Variants in ZFHX3 observed in about 807,000 individuals in gnomAD.
The protein encoded by ZFHX3 is zinc finger homeobox protein 3.
Under a neutral mutation model 279.1 loss-of-function variants are expected in ZFHX3, and 42 were observed. The observed-to-expected ratio is 0.15, with a 90% CI of 0.12 to 0.19. The LOEUF (loss-of-function observed/expected upper bound fraction) is 0.19, where lower values mean the gene tolerates loss of function less well. Among genes scored for constraint, ZFHX3 ranks in the 10% least tolerant of loss-of-function variants. The pLI, the probability that ZFHX3 is intolerant of heterozygous loss-of-function variation, is 1.00. For missense variants in ZFHX3, 4,981 were observed against 4,754.0 expected, an observed-to-expected ratio of 1.05 and a Z score of -1.40; for synonymous variants, 2,293 against 1,957.8, an observed-to-expected ratio of 1.17 and a Z score of -4.52.
intron 2 of ZFHX3, among the ~76,000 whole-genome samples, chr16:73,677,922 A>G (rs2052970922): frequency 6.6e-6 from 1 of 152,112 alleles, no homozygotes; most frequent in African/African-American, 2.4e-5. Context: ...ACCCATAAAT[A>G]GAGACACTCT....
intron 4 of ZFHX3, among the ~76,000 whole-genome samples, chr16:73,292,359 G>C (rs1228559224): frequency 6.6e-6 from 1 of 152,078 alleles, no homozygotes; most frequent in Non-Finnish European, 1.5e-5. Context: ...GCCTGCAAAG[G>C]AGTTCTGACA....
At chr16:73,295,881 T>C (rs1452238319) in intron 4 of ZFHX3, among the ~76,000 whole-genome samples, 1 of 152,230 alleles carries the variant, frequency 6.6e-6, no homozygotes, top group Non-Finnish European at 1.5e-5. Context: ...GCACCTCCTC[T>C]GCAGGAAGTA....
chr16:73,597,440 C>A (rs1026560899), intron 2 of ZFHX3, among the ~76,000 whole-genome samples: 2 of 152,186 alleles, frequency 1.3e-5, no homozygotes, highest in African/African-American at 4.8e-5. Context: ...TAGTGTCCCA[C>A]TAAAATTCGT....
intron 5 of ZFHX3, among the ~76,000 whole-genome samples, chr16:73,210,682 G>C (rs1314855359): frequency 1.3e-5 from 2 of 152,122 alleles, no homozygotes; most frequent in Non-Finnish European, 2.9e-5. Flanking sequence ...ACAGAACAAG[G>C]TTTCAAGTCA....
chr16:73,152,742 G>GA (rs1966972850), intron 5 of ZFHX3, among the ~76,000 whole-genome samples: 1 of 84,592 alleles, frequency 1.2e-5, no homozygotes, highest in African/African-American at 4.8e-5. Context: ...GAGAGAGAGA[G>GA]AAAAAAAATG....
intron 3 of ZFHX3, among the ~76,000 whole-genome samples, chr16:72,900,901 G>T (rs987860529): frequency 2.0e-5 from 3 of 152,222 alleles, no homozygotes; most frequent in African/African-American, 7.2e-5. Context: ...CTGTTGCAGG[G>T]AGGAAAATTT....
intron 2 of ZFHX3, among the ~76,000 whole-genome samples, chr16:73,679,218 C>G (rs561514411): frequency 1.1e-4 from 16 of 152,008 alleles, no homozygotes; most frequent in African/African-American, 3.9e-4. Context: ...AACACTTCAT[C>G]AAAATGAACG....
chr16:72,912,527 G>A (rs1291183583), intron 3 of ZFHX3, among the ~76,000 whole-genome samples: 3 of 152,094 alleles, frequency 2.0e-5, no homozygotes, highest in African/African-American at 7.2e-5. Context: ...AGCTTCTAAG[G>A]CGTATGATCA....
intron 2 of ZFHX3, among the ~76,000 whole-genome samples, chr16:73,553,497 G>A (rs560095207): frequency 6.6e-6 from 1 of 152,256 alleles, no homozygotes; most frequent in East Asian, 1.9e-4. Context: ...GTCCAGACCA[G>A]GGCTCTGGTC....
At chr16:73,625,076 T>C (rs989113262) in intron 2 of ZFHX3, among the ~76,000 whole-genome samples, 5 of 152,214 alleles carry the variant, frequency 3.3e-5, no homozygotes, top group African/African-American at 1.2e-4. Flanking sequence ...ATTTTAGGTG[T>C]CTGAGAAAAA....
At chr16:73,564,379 T>A (rs2020420541) in intron 2 of ZFHX3, among the ~76,000 whole-genome samples, 1 of 152,206 alleles carries the variant, frequency 6.6e-6, no homozygotes, top group Admixed American at 6.5e-5. Flanking sequence ...TCATCCAAAA[T>A]GCTAGCCCCT....
chr16:73,853,297 C>G (rs894110064), intron 1 of ZFHX3, among the ~76,000 whole-genome samples: 2 of 152,168 alleles, frequency 1.3e-5, no homozygotes, highest in Non-Finnish European at 1.5e-5. Flanking sequence ...AATAGAGCTA[C>G]CATTTGACTC....
At chr16:73,409,573 C>T (rs956463786) in intron 3 of ZFHX3, among the ~76,000 whole-genome samples, 12 of 152,180 alleles carry the variant, frequency 7.9e-5, no homozygotes, top group African/African-American at 1.7e-4. Flanking sequence ...CTTCAAAACG[C>T]GAAAAATAGA....
At chr16:72,942,983 C>A (rs1342552199) in intron 3 of ZFHX3, among the ~76,000 whole-genome samples, 1 of 152,202 alleles carries the variant, frequency 6.6e-6, no homozygotes, top group Non-Finnish European at 1.5e-5. Context: ...CTTTCCATCC[C>A]TTCTTCTTGT....
chr16:73,784,786 TA>T (rs66537411), intron 1 of ZFHX3, among the ~76,000 whole-genome samples: 4,781 of 133,748 alleles, frequency 0.036, 107 homozygotes, highest in Non-Finnish European at 0.048. Context: ...TTTAACAAAA[TA>T]AAAAAAAAAA....
intron 1 of ZFHX3, among the ~76,000 whole-genome samples, chr16:73,779,779 G>A (rs781375046): frequency 1.3e-5 from 2 of 152,038 alleles, no homozygotes; most frequent in African/African-American, 4.8e-5. Context: ...GGGCAATAGC[G>A]CAATCTCGGC....
intron 7 of ZFHX3, chr16:72,807,356 G>A (rs1454799652): frequency 6.6e-6 from 1 of 152,222 alleles, no homozygotes; most frequent in Non-Finnish European, 1.5e-5. Context: ...GAAGAATGAA[G>A]TGCTGTGGGT....
chr16:72,827,227 G>A (rs2036954523), intron 5 of ZFHX3, among the ~76,000 whole-genome samples: 1 of 152,112 alleles, frequency 6.6e-6, no homozygotes, highest in African/African-American at 2.4e-5. Context: ...TTGCAACAGA[G>A]GACCCAAAGA....
chr16:72,908,829 C>T (rs546648094), intron 3 of ZFHX3, among the ~76,000 whole-genome samples: 2 of 152,198 alleles, frequency 1.3e-5, no homozygotes, highest in Non-Finnish European at 2.9e-5. Context: ...CTGGGAAACA[C>T]TTTGTCTTTG....
Sources: allele counts gnomAD v4.1 joint callset (sites outside exome capture counted in the v4.1 genomes callset), GRCh38; gene constraint gnomAD v4.1.1; transcripts MANE v1.5; gene names NCBI Gene and HGNC (gene_info 2026-07-23, HGNC 2026-07-21).